The following CDK8 variants were observed in gnomAD, a reference collection of about 807,000 sequenced individuals.
CDK8 encodes cyclin-dependent kinase 8.
CDK8 carries 29 observed loss-of-function variants against 71.5 expected under a neutral mutation model. That is an observed-to-expected ratio of 0.41 (90% CI 0.30 to 0.55). The LOEUF (loss-of-function observed/expected upper bound fraction) is 0.55, where lower values mean the gene tolerates loss of function less well. Among genes scored for constraint, CDK8 ranks in the 20% least tolerant of loss-of-function variants. CDK8 has a pLI of 0.37. For missense variants in CDK8, 288 were observed against 572.6 expected (o/e 0.50, Z 5.07); for synonymous variants, 161 against 192.1 (o/e 0.84, Z 1.34).
intron 1 of CDK8, among the ~76,000 whole-genome samples, chr13:26,332,605 A>T (rs1338015306): frequency 6.6e-6 from 1 of 152,094 alleles, no homozygotes; most frequent in Non-Finnish European, 1.5e-5. Context: ...TAGGACTTCC[A>T]GTGCTATGTT....
At chr13:26,299,385 T>C (rs972480440) in intron 1 of CDK8, among the ~76,000 whole-genome samples, 1 of 152,168 alleles carries the variant, frequency 6.6e-6, no homozygotes, top group Non-Finnish European at 1.5e-5. Flanking sequence ...CTAGATGGGA[T>C]AGCCTACTAC....
chr13:26,270,910 T>C (rs538421824), intron 1 of CDK8, among the ~76,000 whole-genome samples: 1 of 152,334 alleles, frequency 6.6e-6, no homozygotes, highest in South Asian at 2.1e-4. Flanking sequence ...TTTCCACAGC[T>C]GCTACACCAT....
intron 3 of CDK8, among the ~76,000 whole-genome samples, chr13:26,352,461 C>G (rs986184108): frequency 1.3e-5 from 2 of 152,176 alleles, no homozygotes; most frequent in South Asian, 2.1e-4. Context: ...CGTGATCCAC[C>G]CGCCTCAGCC....
chr13:26,309,428 C>A (rs139348891), intron 1 of CDK8, among the ~76,000 whole-genome samples: 25 of 152,170 alleles, frequency 1.6e-4, no homozygotes, highest in African/African-American at 5.5e-4. Context: ...CATGAGCCAT[C>A]ACACCTGGCC....
intron 4 of CDK8, among the ~76,000 whole-genome samples, chr13:26,369,616 C>T (rs1180618001): frequency 6.8e-6 from 1 of 147,054 alleles, no homozygotes; most frequent in African/African-American, 2.5e-5. Flanking sequence ...GCAAGCTCCG[C>T]TTCCTGGGTT....
intron 1 of CDK8, among the ~76,000 whole-genome samples, chr13:26,280,014 T>C (rs2137883817): frequency 6.6e-6 from 1 of 152,232 alleles, no homozygotes; most frequent in Non-Finnish European, 1.5e-5. Context: ...TACGGTAAAA[T>C]GTTAACAATA....
chr13:26,270,926 G>A (rs1008933376), intron 1 of CDK8, among the ~76,000 whole-genome samples: 3 of 152,104 alleles, frequency 2.0e-5, no homozygotes, highest in Non-Finnish European at 4.4e-5. Context: ...ACCATTTTGC[G>A]TTCCCACCAG....
chr13:26,354,011 C>G, intron 4 of CDK8, 131 bp downstream of exon 4: 2 of 726,652 alleles, frequency 2.8e-6, no homozygotes, highest in Non-Finnish European at 4.7e-6. Flanking sequence ...GCTACCTTCT[C>G]AAAACATGGC....
intron 1 of CDK8, among the ~76,000 whole-genome samples, chr13:26,269,467 A>T (rs778690183): frequency 6.6e-6 from 1 of 152,318 alleles, no homozygotes; most frequent in Admixed American, 6.5e-5. Context: ...CATAAGCTAA[A>T]TTCGGAAGTA....
intron 2 of CDK8, among the ~76,000 whole-genome samples, chr13:26,344,897 A>G (rs1873398941): frequency 6.6e-6 from 1 of 152,210 alleles, no homozygotes; most frequent in Non-Finnish European, 1.5e-5. Context: ...TACACTCTAC[A>G]ATAGTGATAA....
chr13:26,396,190 G>A (rs1875983712), intron 7 of CDK8, 95 bp from the exon 8 acceptor site: 5 of 461,402 alleles, frequency 1.1e-5, no homozygotes, highest in South Asian at 4.8e-5. Context: ...GAGGTTGAAC[G>A]GATAGGAAAT....
At chr13:26,400,381 C>T (rs984642727) in intron 9 of CDK8, 72 bp from the exon 10 acceptor site, 4 of 889,814 alleles carry the variant, frequency 4.5e-6, no homozygotes, top group Non-Finnish European at 7.4e-6. Flanking sequence ...AAATATATAT[C>T]GTCTTCACAT....
At chr13:26,355,370 C>T (rs1873848894) in intron 4 of CDK8, among the ~76,000 whole-genome samples, 1 of 152,192 alleles carries the variant, frequency 6.6e-6, no homozygotes, top group African/African-American at 2.4e-5. Flanking sequence ...AATCCCAGCA[C>T]TTTGGGAGGC....
intron 7 of CDK8, among the ~76,000 whole-genome samples, chr13:26,393,819 C>T (rs1387066154): frequency 2.0e-5 from 3 of 151,926 alleles, no homozygotes; most frequent in East Asian, 3.9e-4. Flanking sequence ...AAAAAGGTAC[C>T]TTTAGCTCTT....
chr13:26,358,588 T>C (rs1412480539), intron 4 of CDK8, among the ~76,000 whole-genome samples: 1 of 152,140 alleles, frequency 6.6e-6, no homozygotes, highest in Non-Finnish European at 1.5e-5. Context: ...TGGCAGTTTT[T>C]AAAAAAATTA....
At chr13:26,336,371 A>G (rs1872982864) in intron 1 of CDK8, among the ~76,000 whole-genome samples, 1 of 152,170 alleles carries the variant, frequency 6.6e-6, no homozygotes, top group Non-Finnish European at 1.5e-5. Context: ...TAGTGGATAT[A>G]AACTTCTGTA....
intron 2 of CDK8, among the ~76,000 whole-genome samples, chr13:26,347,871 G>A (rs1873524935): frequency 6.6e-6 from 1 of 152,128 alleles, no homozygotes; most frequent in African/African-American, 2.4e-5. Context: ...ACAGCTGCAA[G>A]TTTGGTGGTT....
chr13:26,319,511 G>C (rs747299560), intron 1 of CDK8, among the ~76,000 whole-genome samples: 3 of 151,836 alleles, frequency 2.0e-5, no homozygotes, highest in Non-Finnish European at 4.4e-5. Context: ...TTAACCAAGA[G>C]GTAAAAGTCT....
Position 26,297,082 on chromosome 13 carries a change from G to C in CDK8, c.129-40485G>C, listed in dbSNP as rs563471853. On this transcript the variant is annotated intron_variant, in intron 1 of 12. Transcript: ENST00000381527. ...CAATAGATGGCCTATCATTAGGGTT[G>C]CCATTTAAAAAGTTACTAAACAGTT... Among the ~76,000 whole-genome samples, 6 of 152,232 alleles carry C rather than the reference G, an allele frequency of 3.9e-5. No homozygotes were observed. The South Asian group carries it at 1.2e-3, about 32-fold the overall frequency.
Sources: allele counts gnomAD v4.1 joint callset (sites outside exome capture counted in the v4.1 genomes callset), GRCh38; gene constraint gnomAD v4.1.1; transcripts MANE v1.5; gene names NCBI Gene and HGNC (gene_info 2026-07-23, HGNC 2026-07-21).